The following SLC35F1 variants were observed in gnomAD, a reference collection of about 807,000 sequenced individuals.
SLC35F1 encodes chromosome 6 open reading frame 169.
In SLC35F1, 14 loss-of-function variants were observed where a neutral mutation model predicts 48.7. That is an observed-to-expected ratio of 0.29 (90% CI 0.19 to 0.45). The LOEUF is 0.45. Among genes scored for constraint, SLC35F1 ranks in the 20% least tolerant of loss-of-function variants. The probability of loss-of-function intolerance (pLI) is 1.00; values close to 1 mark genes in which losing one functional copy is unlikely to be tolerated. For synonymous variants in SLC35F1, 190 were observed against 202.2 expected, an observed-to-expected ratio of 0.94 and a Z score of 0.51; for missense variants, 404 against 500.0, an observed-to-expected ratio of 0.81 and a Z score of 1.83.
At chr6:117,923,022 A>G (rs1425539893) in intron 1 of SLC35F1, among the ~76,000 whole-genome samples, 2 of 152,172 alleles carry the variant, frequency 1.3e-5, no homozygotes, top group African/African-American at 4.8e-5. Context: ...ATCAAACATC[A>G]TTTCACCAGA....
chr6:117,949,556 C>T (rs1246172030), intron 1 of SLC35F1, among the ~76,000 whole-genome samples: 2 of 152,110 alleles, frequency 1.3e-5, no homozygotes, highest in African/African-American at 4.8e-5. Context: ...GCCCTTGTGA[C>T]CCTTTCCAGC....
chr6:118,030,848 C>A (rs1013454347), intron 1 of SLC35F1, among the ~76,000 whole-genome samples: 1 of 152,122 alleles, frequency 6.6e-6, no homozygotes, highest in South Asian at 2.1e-4. Flanking sequence ...AGCAGAGGGT[C>A]ATTTTATATT....
chr6:118,307,712 G>A (rs767594748), intron 7 of SLC35F1, among the ~76,000 whole-genome samples: 1 of 152,144 alleles, frequency 6.6e-6, no homozygotes, highest in Non-Finnish European at 1.5e-5. Flanking sequence ...TTTTTCCATG[G>A]AGCCAGGTTC....
intron 3 of SLC35F1, among the ~76,000 whole-genome samples, chr6:118,258,293 T>C (rs1775670888): frequency 6.6e-6 from 1 of 152,164 alleles, no homozygotes; most frequent in South Asian, 2.1e-4. Flanking sequence ...GAAAACCCTC[T>C]ATCTTGTTTA....
At chr6:118,014,484 A>C (rs1777293491) in intron 1 of SLC35F1, among the ~76,000 whole-genome samples, 1 of 152,344 alleles carries the variant, frequency 6.6e-6, no homozygotes, top group South Asian at 2.1e-4. Flanking sequence ...GAAAGTGTAC[A>C]CTGGGAATAA....
chr6:118,286,543 A>C (rs1454946224), intron 7 of SLC35F1, among the ~76,000 whole-genome samples: 1 of 152,188 alleles, frequency 6.6e-6, no homozygotes, highest in Non-Finnish European at 1.5e-5. Context: ...AGCTAGGAGG[A>C]TCAGAAACAG....
chr6:118,299,299 G>A (rs753894798), intron 7 of SLC35F1, among the ~76,000 whole-genome samples: 1 of 152,158 alleles, frequency 6.6e-6, no homozygotes, highest in Non-Finnish European at 1.5e-5. Flanking sequence ...TTATGAAAAT[G>A]TAAACGTTTC....
At chr6:118,073,409 CAT>C (rs1772770689) in intron 1 of SLC35F1, among the ~76,000 whole-genome samples, 1 of 152,134 alleles carries the variant, frequency 6.6e-6, no homozygotes, top group Admixed American at 6.5e-5. Context: ...ATAACTGCCT[CAT>C]AGGGTTGTGA....
intron 1 of SLC35F1, among the ~76,000 whole-genome samples, chr6:118,108,566 C>A (rs1773355509): frequency 6.6e-6 from 1 of 152,076 alleles, no homozygotes; most frequent in African/African-American, 2.4e-5. Flanking sequence ...TTTAAATATG[C>A]ATGTATAGAA....
chr6:118,065,561 T>C (rs1772600148), intron 1 of SLC35F1, among the ~76,000 whole-genome samples: 1 of 152,172 alleles, frequency 6.6e-6, no homozygotes, highest in Non-Finnish European at 1.5e-5. Context: ...GATGTACAAC[T>C]ATGACATATC....
chr6:118,216,119 C>CTGATCTCTGTCAT (rs1775069230), intron 2 of SLC35F1, among the ~76,000 whole-genome samples: 1 of 149,824 alleles, frequency 6.7e-6, no homozygotes, highest in African/African-American at 2.5e-5. Flanking sequence ...TCTCTGTCAC[C>CTGATCTCTGTCAT]CAGGCTGGCG....
intron 4 of SLC35F1, among the ~76,000 whole-genome samples, chr6:118,274,392 T>TTTTA (rs769259480): frequency 9.2e-4 from 140 of 152,204 alleles, no homozygotes; most frequent in African/African-American, 2.6e-3. Context: ...TTGAGTTTAT[T>TTTTA]TTTATTTATT....
At chr6:118,281,945 C>G (rs1291125900) in intron 6 of SLC35F1, among the ~76,000 whole-genome samples, 1 of 152,186 alleles carries the variant, frequency 6.6e-6, no homozygotes, top group African/African-American at 2.4e-5. Flanking sequence ...AGTGAGTGCT[C>G]AATCCATATT....
Position 118,281,198 on chromosome 6 carries a change from C to CTATA in SLC35F1, c.847+3653_847+3654insATAT, listed in dbSNP as rs1349203619. ...TAACTCTCTCTCTCTCTCTCTCTCT[C>CTATA]TCTCTCTATATATATATATATATAA... On this transcript the variant is annotated intron_variant, in intron 6 of 7. Coordinates refer to ENST00000360388, the MANE Select transcript of SLC35F1 (RefSeq NM_001029858.4). Among the ~76,000 whole-genome samples the CTATA allele has an allele frequency of 2.9e-3, 358 of 121,948 alleles. 1 individual carries two copies. The highest frequency in any genetic ancestry group is 5.2e-3 in the African/African-American group (166 of 32,188). 80.0% of individuals were successfully genotyped at this position (121,948 alleles called of 152,430 possible). A position where few individuals can be genotyped will look rare whatever the true frequency, so the allele number is the denominator to read the frequency against.
At chr6:118,182,329 T>G (rs987104341) in intron 2 of SLC35F1, among the ~76,000 whole-genome samples, 7 of 151,696 alleles carry the variant, frequency 4.6e-5, no homozygotes, top group African/African-American at 1.7e-4. Flanking sequence ...AGAAAAATTT[T>G]TTTTTTTTTA....
chr6:117,912,859 G>C (rs958585895), intron 1 of SLC35F1, among the ~76,000 whole-genome samples: 9 of 152,112 alleles, frequency 5.9e-5, no homozygotes, highest in African/African-American at 2.2e-4. Flanking sequence ...GGTAATTAAC[G>C]TGTATTAAAA....
At chr6:118,005,413 A>T (rs1385037145) in intron 1 of SLC35F1, among the ~76,000 whole-genome samples, 1 of 151,816 alleles carries the variant, frequency 6.6e-6, no homozygotes, top group Non-Finnish European at 1.5e-5. Context: ...TTCTTTATTT[A>T]TTTTTTCTCT....
Position 118,314,328 on chromosome 6 carries a change from G to C in SLC35F1, c.*76G>C. ...CCATCATCTCTGTATTGTACATAGA[G>C]AAAGGTATTTACTAGGTGCAGTTTA... On this transcript the variant is annotated 3_prime_UTR_variant, in exon 8 of 8. Coordinates refer to ENST00000360388, the MANE Select transcript of SLC35F1 (RefSeq NM_001029858.4). The C allele has an allele frequency of 7.5e-7, 1 of 1,340,738 alleles. No individual in the cohort carries two copies. The highest frequency in any genetic ancestry group is 1.2e-5 in the South Asian group (1 of 81,678). 83.1% of individuals were successfully genotyped at this position (1,340,738 alleles called of 1,614,324 possible). A position where few individuals can be genotyped will look rare whatever the true frequency, so the allele number is the denominator to read the frequency against.
chr6:118,145,679 A>G (rs1236273337), intron 1 of SLC35F1, among the ~76,000 whole-genome samples: 6 of 152,200 alleles, frequency 3.9e-5, no homozygotes, highest in African/African-American at 1.4e-4. Flanking sequence ...TGTTCTAAGT[A>G]TACAGTATAC....
Sources: gnomAD v4.1 joint callset for allele counts (sites outside exome capture counted in the v4.1 genomes callset) on GRCh38, gnomAD v4.1.1 for gene constraint, MANE v1.5 for transcripts, NCBI Gene and HGNC (gene_info 2026-07-23, HGNC 2026-07-21) for gene names.